The following ATP2C2 variants were observed in gnomAD, a reference collection of about 807,000 sequenced individuals.
The protein encoded by ATP2C2 is ATPase secretory pathway Ca2+ transporting 2.
ATP2C2 carries 171 observed loss-of-function variants against 110.8 expected under a neutral mutation model. That is an observed-to-expected ratio of 1.54 (90% confidence interval 1.36 to 1.75). ATP2C2 has a LOEUF of 1.75. ATP2C2 is among the 40% of genes most tolerant of loss of function. The pLI is 0.00. For missense variants in ATP2C2, 1,963 were observed against 1,235.0 expected (o/e 1.59, Z -8.84); for synonymous variants, 804 against 508.4 (o/e 1.58, Z -7.82).
At chr16:84,396,238 G>T (rs568842337) in intron 1 of ATP2C2, among the ~76,000 whole-genome samples, 6 of 151,958 alleles carry the variant, frequency 3.9e-5, no homozygotes, top group Non-Finnish European at 7.4e-5. Context: ...GTGTGTGTGT[G>T]TGTGAGATGG....
intron 26 of ATP2C2, among the ~76,000 whole-genome samples, chr16:84,463,277 G>C (rs1212585389): frequency 2.0e-5 from 3 of 152,038 alleles, no homozygotes; most frequent in Non-Finnish European, 4.4e-5. Context: ...TGGTCACTCA[G>C]GACATTTGCA....
rs556319425 is a variant in ATP2C2 at position 84,403,835 on chromosome 16, C to T, written c.211-1293C>T. Among the ~76,000 whole-genome samples the T allele has an allele frequency of 1.4e-4, 21 of 152,268 alleles. No homozygotes were observed. The South Asian group carries it at 2.9e-3, about 21-fold the overall frequency. On this transcript the variant is annotated intron_variant, in intron 2 of 26. Transcript: ENST00000262429. ...CCTCCTGAGTGGCTGGGATTACAGG[C>T]ACATGCCACCACGCCCGGCTAATTC...
At chr16:84,369,200 C>T (rs1269320459) in intron 1 of ATP2C2, among the ~76,000 whole-genome samples, 1 of 152,250 alleles carries the variant, frequency 6.6e-6, no homozygotes, top group African/African-American at 2.4e-5. Context: ...TCACTTCCTA[C>T]AGTCAGGTAC....
intron 17 of ATP2C2, among the ~76,000 whole-genome samples, chr16:84,449,083 C>T (rs920891526): frequency 4.0e-5 from 6 of 149,384 alleles, no homozygotes; most frequent in Non-Finnish European, 8.9e-5. Context: ...TGCAGCAGAG[C>T]CAGTGCCATC....
At chr16:84,430,625 G>C (rs1482603112) in intron 11 of ATP2C2, among the ~76,000 whole-genome samples, 1 of 130,570 alleles carries the variant, frequency 7.7e-6, no homozygotes, top group Non-Finnish European at 1.6e-5. Flanking sequence ...GGGCAGCAGA[G>C]TGAGACACCA....
chr16:84,380,054 C>T (rs1037455829), intron 1 of ATP2C2, among the ~76,000 whole-genome samples: 2 of 152,126 alleles, frequency 1.3e-5, no homozygotes, highest in African/African-American at 4.8e-5. Context: ...TTTTTTATAT[C>T]AGCCACATTT....
chr16:84,408,954 C>G (rs1472003185), intron 4 of ATP2C2, among the ~76,000 whole-genome samples: 2 of 152,182 alleles, frequency 1.3e-5, no homozygotes, highest in South Asian at 2.1e-4. Context: ...TATGGTGCCA[C>G]CACCACCTCT....
rs1905644144 is a variant in ATP2C2, at chr16:84,405,128, G to A, written c.211G>A (p.Val71Met). The A allele has an allele frequency of 3.1e-6, 5 of 1,613,306 alleles. No homozygotes were observed. The highest frequency in any genetic ancestry group is 1.1e-5 in the South Asian group (1 of 91,036). ...QKEDLARAFC[V>M]DLHTGLSEFS... ...GCTTGTGCCTGACCTCTCCTTCCAG[G>A]TGGACTTACACACTGGGCTGTCGGA... The change falls in exon 3 of 27, where the codon GTG (valine) becomes ATG (methionine). Residue 71 changes from valine to methionine, a missense_variant and splice_region_variant. Val to Met is a conservative substitution (Grantham distance 21, BLOSUM62 1). Transcript: ENST00000262429.
chr16:84,453,112 G>A (rs539502934), intron 18 of ATP2C2, 26 bp from the exon 19 acceptor site: 22 of 1,584,244 alleles, frequency 1.4e-5, no homozygotes, highest in African/African-American at 2.7e-5. Flanking sequence ...CCTCAGAGCA[G>A]GCCCTCAGAA....
chr16:84,369,984 T>C (rs1909856656), intron 1 of ATP2C2, among the ~76,000 whole-genome samples: 1 of 152,222 alleles, frequency 6.6e-6, no homozygotes, highest in South Asian at 2.1e-4. Flanking sequence ...TAAAGGAGTT[T>C]GAAGTTTATT....
chr16:84,396,549 C>CAAAAAAA (rs57290176), intron 1 of ATP2C2, among the ~76,000 whole-genome samples: 3 of 74,806 alleles, frequency 4.0e-5, no homozygotes, highest in Non-Finnish European at 7.9e-5. Context: ...GGCTCTATCT[C>CAAAAAAA]AAAAAAAAAA....
intron 6 of ATP2C2, among the ~76,000 whole-genome samples, chr16:84,412,584 A>C (rs1414605795): frequency 6.6e-6 from 1 of 151,712 alleles, no homozygotes; most frequent in Non-Finnish European, 1.5e-5. Context: ...GTGTGTGTGG[A>C]GATGGGGTTT....
chr16:84,370,349 A>G (rs1229473220), intron 1 of ATP2C2, among the ~76,000 whole-genome samples: 1 of 152,232 alleles, frequency 6.6e-6, no homozygotes, highest in Non-Finnish European at 1.5e-5. Flanking sequence ...GGCAGTGTGC[A>G]GCGCCAGGAG....
At chr16:84,379,490 C>T (rs535469602) in intron 1 of ATP2C2, among the ~76,000 whole-genome samples, 2 of 152,310 alleles carry the variant, frequency 1.3e-5, no homozygotes, top group South Asian at 4.1e-4. Flanking sequence ...ATGACATGTC[C>T]TCCAAGTGTG....
At chr16:84,447,515 A>G (rs1390555917) in intron 16 of ATP2C2, among the ~76,000 whole-genome samples, 6 of 151,714 alleles carry the variant, frequency 4.0e-5, no homozygotes, top group Non-Finnish European at 1.5e-5. Flanking sequence ...CAACATCTGG[A>G]TGGTATTTTC....
intron 1 of ATP2C2, among the ~76,000 whole-genome samples, chr16:84,388,053 C>T (rs536707019): frequency 1.7e-3 from 254 of 151,790 alleles, no homozygotes; most frequent in African/African-American, 6.0e-3. Context: ...TTTGGCCAGG[C>T]AGGTGCAGTG....
intron 17 of ATP2C2, among the ~76,000 whole-genome samples, chr16:84,450,336 C>T (rs1166385976): frequency 6.6e-6 from 1 of 152,144 alleles, no homozygotes; most frequent in Non-Finnish European, 1.5e-5. Flanking sequence ...AGGCCTGGGA[C>T]AGTGCCCGAG....
chr16:84,425,329 C>A (rs908047611), intron 10 of ATP2C2, among the ~76,000 whole-genome samples: 1 of 152,114 alleles, frequency 6.6e-6, no homozygotes, highest in Non-Finnish European at 1.5e-5. Flanking sequence ...ATCATGAGTA[C>A]CACAGAGTAA....
At chr16:84,371,004 G>A (rs1374247511) in intron 1 of ATP2C2, among the ~76,000 whole-genome samples, 2 of 152,172 alleles carry the variant, frequency 1.3e-5, no homozygotes, top group African/African-American at 2.4e-5. Context: ...TTTGCTAGGC[G>A]CTGAGGATAC....
Sources: gnomAD v4.1 joint callset for allele counts (sites outside exome capture counted in the v4.1 genomes callset) on GRCh38, gnomAD v4.1.1 for gene constraint, MANE v1.5 for transcripts, NCBI Gene and HGNC (gene_info 2026-07-23, HGNC 2026-07-21) for gene names.